B4GALT4: variants seen among roughly 807,000 people sequenced by gnomAD.
B4GALT4 encodes N-acetyllactosamine synthase.
B4GALT4 carries 27 observed loss-of-function variants against 37.3 expected under a neutral mutation model. The ratio of observed to expected loss-of-function variants is 0.72; its 90% CI spans 0.53 to 1.00. B4GALT4 has a LOEUF of 1.00. Ranked by LOEUF, B4GALT4 falls within the 50% of genes least tolerant of loss-of-function variation. The pLI is 0.00. For synonymous variants in B4GALT4, 148 were observed against 154.1 expected, an observed-to-expected ratio of 0.96 and a Z score of 0.29; for missense variants, 372 against 413.1, an observed-to-expected ratio of 0.90 and a Z score of 0.86.
rs377227284 is a variant in B4GALT4 at position 119,226,948 on chromosome 3, T to C, written c.347A>G (p.Gln116Arg). The C allele has an allele frequency of 2.0e-5, 32 of 1,614,162 alleles. No homozygotes were observed. In the East Asian group the frequency reaches 2.7e-4, roughly 13 times the overall value. Residue 116 changes from glutamine to arginine, a missense_variant, in exon 4 of 8, where the codon CAG (glutamine) becomes CGG (arginine). Gln to Arg is a conservative substitution (Grantham distance 43, BLOSUM62 1). Coordinates refer to ENST00000393765, the MANE Select transcript of B4GALT4 (RefSeq NM_003778.4). ...PKVSRGRYRPQECKALQRVAI... is the reference protein window; with the variant it reads ...PKVSRGRYRPRECKALQRVAI... ...GACCCTCTGTAAAGCTTTACATTCC[T>C]GAGGGCGATACCGGCCTCTGGACAC...
intron 2 of B4GALT4, chr3:119,236,019 T>C (rs1283855747): frequency 6.6e-6 from 1 of 152,194 alleles, no homozygotes; most frequent in East Asian, 1.9e-4. Flanking sequence ...CAGACAAGGT[T>C]CACCAGTGGA....
At chr3:119,227,363 A>G (rs571599184) in intron 3 of B4GALT4, among the ~76,000 whole-genome samples, 2 of 152,338 alleles carry the variant, frequency 1.3e-5, no homozygotes, top group East Asian at 3.9e-4. Flanking sequence ...GGGCAGGGCT[A>G]GACAGAGTAA....
At chr3:119,234,157 G>A (rs2078912848) in intron 2 of B4GALT4, among the ~76,000 whole-genome samples, 2 of 151,616 alleles carry the variant, frequency 1.3e-5, no homozygotes, top group African/African-American at 4.9e-5. Flanking sequence ...TCCCTCTGTC[G>A]GCCTGGCCGG....
chr3:119,222,209 G>A (rs2078470435), intron 5 of B4GALT4, among the ~76,000 whole-genome samples: 1 of 152,174 alleles, frequency 6.6e-6, no homozygotes, highest in Non-Finnish European at 1.5e-5. Flanking sequence ...GGTGTTCTGT[G>A]TTGTAAATAG....
intron 5 of B4GALT4, among the ~76,000 whole-genome samples, chr3:119,222,711 G>T (rs546650944): frequency 3.3e-5 from 5 of 152,120 alleles, no homozygotes; most frequent in Non-Finnish European, 5.9e-5. Flanking sequence ...CCAAAACTGC[G>T]CTGTGCTCTC....
intron 1 of B4GALT4, 111 bp from the exon 2 acceptor site, chr3:119,237,181 T>C (rs1013186167): frequency 6.6e-6 from 1 of 152,256 alleles, no homozygotes; most frequent in African/African-American, 2.4e-5. Flanking sequence ...CATTGTGTAC[T>C]TATATGTGAC....
chr3:119,228,157 G>A (rs1231078890), intron 3 of B4GALT4, among the ~76,000 whole-genome samples: 2 of 152,248 alleles, frequency 1.3e-5, no homozygotes, highest in East Asian at 3.9e-4. Flanking sequence ...TCTCCTGTGT[G>A]GCCTGTTCAC....
At position 119,240,757 on chromosome 3, in the gene B4GALT4, G is replaced by A. The variant is rs559422270; in HGVS notation, c.-364+93C>T. 617 of 152,414 alleles carry A rather than the reference G, an allele frequency of 4.0e-3. 2 individuals carry two copies. Among genetic ancestry groups the A allele is most frequent in the South Asian group, 0.014 (67 of 4,838 alleles). 9.4% of individuals were successfully genotyped at this position (152,414 alleles called of 1,614,324 possible). A position where few individuals can be genotyped will look rare whatever the true frequency, so the allele number is the denominator to read the frequency against. On this transcript the variant is annotated intron_variant, in intron 1 of 7. Coordinates refer to ENST00000393765, the MANE Select transcript of B4GALT4 (RefSeq NM_003778.4). ...CCACGCCCGCCCCGCTACAGCCCTG[G>A]GACTGACCCCGGCCGTCGCCCGGCT...
chr3:119,222,402 T>C (rs537472928), intron 5 of B4GALT4, among the ~76,000 whole-genome samples: 1 of 146,490 alleles, frequency 6.8e-6, no homozygotes, highest in African/African-American at 2.5e-5. Context: ...AATCATGGGA[T>C]TCTCTCCTTG....
At chr3:119,215,943 T>C (rs2078278667) in intron 7 of B4GALT4, 1 of 188,086 alleles carries the variant, frequency 5.3e-6, no homozygotes, top group African/African-American at 2.3e-5. Context: ...ATTGCTTATA[T>C]TTTAAGAATA....
At chr3:119,227,106 A>C (rs2078644806) in intron 3 of B4GALT4, 65 bp from the exon 4 acceptor site, 2 of 1,394,316 alleles carry the variant, frequency 1.4e-6, no homozygotes. Context: ...GGTTTACACG[A>C]GCTAATATGC....
intron 5 of B4GALT4, among the ~76,000 whole-genome samples, chr3:119,222,288 T>C (rs2078472421): frequency 6.6e-6 from 1 of 152,200 alleles, no homozygotes; most frequent in South Asian, 2.1e-4. Flanking sequence ...TGCCCAGCCA[T>C]GATACACTGC....
rs1227183759 is a variant in B4GALT4 at position 119,225,749 on chromosome 3, T to C, written c.486+1060A>G. Among the ~76,000 whole-genome samples the C allele has an allele frequency of 2.0e-5, 3 of 152,166 alleles. No homozygotes were observed. The East Asian group carries it at 5.8e-4, about 29-fold the overall frequency. On this transcript the variant is annotated intron_variant, in intron 4 of 7. Transcript: ENST00000393765. ...CATGTTTTTCTATTCATAAAAATAG[T>C]ACTATACCTTGTAGGTTACTGTCCT...
Position 119,212,069 on chromosome 3 carries a change from C to A in B4GALT4, c.*480G>T. ...CTCCCCTCTTTTGTGGACGCCTTCTCACCTGACACCACCACTTCACAGATG... is the reference window on the plus strand; with the variant it reads ...CTCCCCTCTTTTGTGGACGCCTTCTAACCTGACACCACCACTTCACAGATG... On this transcript the variant is annotated 3_prime_UTR_variant, in exon 8 of 8. Transcript: ENST00000393765. The A allele has an allele frequency of 1.4e-6, 1 of 691,102 alleles. No homozygotes were observed. Among genetic ancestry groups the A allele is most frequent in the Non-Finnish European group, 2.6e-6 (1 of 377,824 alleles). 42.8% of individuals were successfully genotyped at this position (691,102 alleles called of 1,614,324 possible).
At chr3:119,223,616 C>T (rs371583640) in intron 5 of B4GALT4, among the ~76,000 whole-genome samples, 9 of 152,214 alleles carry the variant, frequency 5.9e-5, no homozygotes, top group Middle Eastern at 3.4e-3. Flanking sequence ...CCCTCCCCCA[C>T]CTCTCCCCAT....
At position 119,238,407 on chromosome 3, in the gene B4GALT4, G is replaced by T. The variant is rs9842608; in HGVS notation, c.-363-1337C>A. On this transcript the variant is annotated intron_variant, in intron 1 of 7. Transcript: ENST00000393765. ...TTAGGAGAAAACTTCTATTTCTTTT[G>T]TATCTTCTAATTTTTCTAAAATGGA... Among the ~76,000 whole-genome samples, 517 of 151,624 alleles carry T rather than the reference G, an allele frequency of 3.4e-3. 3 individuals are homozygous for T. The highest frequency in any genetic ancestry group is 6.2e-3 in the Non-Finnish European group (422 of 67,936).
At chr3:119,218,529 G>T in intron 6 of B4GALT4, 121 bp downstream of exon 6, 8 of 1,418,894 alleles carry the variant, frequency 5.6e-6, no homozygotes, top group Non-Finnish European at 7.7e-6. Context: ...CACCCTTCAA[G>T]CCCAAATCTG....
intron 2 of B4GALT4, chr3:119,232,658 G>GTGACA (rs1426142765): frequency 1.3e-5 from 2 of 152,064 alleles, no homozygotes; most frequent in Non-Finnish European, 2.9e-5. Context: ...TTCCCACCTG[G>GTGACA]TGACAGTAAG....
Position 119,212,302 on chromosome 3 carries a change from A to G in B4GALT4, c.*247T>C, listed in dbSNP as rs2078180647. The G allele has an allele frequency of 1.5e-6, 1 of 686,564 alleles. No individual in the cohort carries two copies. Among genetic ancestry groups the G allele is most frequent in the Non-Finnish European group, 2.6e-6 (1 of 378,824 alleles). The allele number at this position is 686,564 out of a possible 1,614,324, so 42.5% of individuals were successfully genotyped here. A position where few individuals can be genotyped will look rare whatever the true frequency, so the allele number is the denominator to read the frequency against. On this transcript the variant is annotated 3_prime_UTR_variant, in exon 8 of 8. Transcript: ENST00000393765. The stretch of plus-strand genomic sequence containing the variant: ...TCCTTTGAGTCATCCTTTTATATAA[A>G]GTCCTTCAAGTATCCATATTACAAT...
Sources: allele counts gnomAD v4.1 joint callset (sites outside exome capture counted in the v4.1 genomes callset), GRCh38; gene constraint gnomAD v4.1.1; transcripts MANE v1.5; gene names NCBI Gene and HGNC (gene_info 2026-07-23, HGNC 2026-07-21).